PLEKHG5: variants seen among roughly 807,000 people sequenced by gnomAD.
PLEKHG5 encodes the protein pleckstrin homology domain-containing family G member 5.
PLEKHG5 carries 52 observed loss-of-function variants against 103.8 expected under a neutral mutation model. That is an observed-to-expected ratio of 0.50 (90% CI 0.40 to 0.63). The LOEUF (loss-of-function observed/expected upper bound fraction) is 0.63. PLEKHG5 is among the 30% of genes least tolerant of loss of function. The pLI is 0.00. For synonymous variants in PLEKHG5, 592 were observed against 575.5 expected, an observed-to-expected ratio of 1.03 and a Z score of -0.41; for missense variants, 1,205 against 1,347.6, an observed-to-expected ratio of 0.89 and a Z score of 1.66.
Position 6,490,407 on chromosome 1 carries a change from C to T in PLEKHG5, c.-88+1230G>A. 1.0e-6 allele frequency: 1 copy of T among 979,420 alleles called. No individual in the cohort carries two copies. Among genetic ancestry groups the T allele is most frequent in the African/African-American group, 1.8e-5 (1 of 57,120 alleles). The allele number at this position is 979,420 out of a possible 1,614,324, so 60.7% of individuals were successfully genotyped here. A position where few individuals can be genotyped will look rare whatever the true frequency, so the allele number is the denominator to read the frequency against. ...GGGGTCCTGGCGCCTAGTCCCACCC[C>T]CCGTCCGGAGCGCAGCTCCCACTTC... On this transcript the variant is annotated intron_variant, in intron 1 of 20. Transcript: ENST00000377728. The surrounding 1 kb of genome is among the most constrained non-coding windows in gnomAD (Gnocchi z 8.0).
At chr1:6,497,223 C>T (rs1489298275), upstream of PLEKHG5, 20 of 865,574 alleles carry the variant, frequency 2.3e-5, no homozygotes, top group Admixed American at 4.0e-4. The surrounding 1 kb of genome is among the most constrained non-coding windows in gnomAD (Gnocchi z 6.1). Context: ...GGCGCCCACC[C>T]CCTTGCCTGG....
chr1:6,519,691 GA>G, exon 1 of PLEKHG5: 1 of 650,108 alleles, frequency 1.5e-6, no homozygotes, highest in Non-Finnish European at 2.8e-6. Context: ...TGTCTGCACA[GA>G]AAACCAAGGC....
At chr1:6,477,694 A>T (rs1644800633) in intron 1 of PLEKHG5, 36 bp from the exon 2 acceptor site, 1 of 1,594,056 alleles carries the variant, frequency 6.3e-7, no homozygotes, top group Non-Finnish European at 8.5e-7. Flanking sequence ...GAGGTCCACG[A>T]GATCCACCAC....
upstream of PLEKHG5, among the ~76,000 whole-genome samples, chr1:6,494,501 C>G (rs1345341807): frequency 6.6e-6 from 1 of 152,086 alleles, no homozygotes. Context: ...TGGGCTAAAG[C>G]AGTCCTCCTG....
intron 1 of PLEKHG5, among the ~76,000 whole-genome samples, chr1:6,482,200 C>T (rs1404654517): frequency 1.3e-5 from 2 of 152,184 alleles, no homozygotes; most frequent in African/African-American, 4.8e-5. Context: ...CGCTCCTTTC[C>T]TGTCCTCAGC....
rs1156490193 is a variant in PLEKHG5 at position 6,471,074 on chromosome 1, G to A, written c.1308C>T (p.Ile436=). ...KMFGSLFKPY[I]RYCMEEEGCM... Reference sequence around the variant, plus strand: ...AGCCCTCCTCCTCCATGCAGTAGCGGATGTAGGGCTTGAAGAGCGAGCCGA... The same window carrying A: ...AGCCCTCCTCCTCCATGCAGTAGCGAATGTAGGGCTTGAAGAGCGAGCCGA... The change falls in exon 13 of 21, where the codon ATC becomes ATT. Residue 436 remains isoleucine, a synonymous_variant. Transcript: ENST00000377728. The A allele has an allele frequency of 6.3e-7, 1 of 1,594,178 alleles. No individual in the cohort carries two copies. The highest frequency in any genetic ancestry group is 1.1e-5 in the South Asian group (1 of 87,898).
At chr1:6,497,726 G>A (rs1441891096), upstream of PLEKHG5, among the ~76,000 whole-genome samples, 1 of 152,136 alleles carries the variant, frequency 6.6e-6, no homozygotes, top group Non-Finnish European at 1.5e-5. This position sits in a 1 kb window ranked among gnomAD's most constrained non-coding sequence, Gnocchi z 6.1. Flanking sequence ...GCCCGGAATC[G>A]CTGTCTCCGA....
chr1:6,475,205 C>T, intron 4 of PLEKHG5, 67 bp from the exon 5 acceptor site: 1 of 818,648 alleles, frequency 1.2e-6, no homozygotes, highest in Non-Finnish European at 2.0e-6. Flanking sequence ...CCCTCCTCCC[C>T]ACCCTCCTTC....
intron 1 of PLEKHG5, among the ~76,000 whole-genome samples, chr1:6,484,176 C>CG (rs1644967298): frequency 6.6e-6 from 1 of 152,222 alleles, no homozygotes; most frequent in African/African-American, 2.4e-5. Flanking sequence ...TCGCTCCTTA[C>CG]GGAAGAGTCA....
upstream of PLEKHG5, among the ~76,000 whole-genome samples, chr1:6,501,057 G>A (rs186801236): frequency 2.8e-3 from 423 of 152,338 alleles, 4 homozygotes; most frequent in African/African-American, 9.6e-3. The surrounding 1 kb of genome is among the most constrained non-coding windows in gnomAD (Gnocchi z 4.3). Context: ...TGAAAAGTCA[G>A]GAGATTTCAC....
intron 1 of PLEKHG5, among the ~76,000 whole-genome samples, chr1:6,511,525 C>T (rs927556724): frequency 6.6e-6 from 1 of 152,240 alleles, no homozygotes; most frequent in African/African-American, 2.4e-5. Context: ...CAGCAGCTGC[C>T]GATGCCCACC....
rs1644660407 is a variant in PLEKHG5, at chr1:6,473,459, T to A, written c.592-5A>T. On this transcript the variant is annotated splice_region_variant and splice_polypyrimidine_tract_variant and intron_variant, in intron 7 of 20. Transcript: ENST00000377728. ...CTTGCGGCGGCGGCCAGGGGCCTGG[T>A]CAGGGAAGGGTGGTCAGGGCCGGGA... is the stretch of plus-strand genomic sequence containing the variant. The A allele has an allele frequency of 6.6e-7, 1 of 1,523,580 alleles. No individual in the cohort carries two copies. Among genetic ancestry groups the A allele is most frequent in the Non-Finnish European group, 8.8e-7 (1 of 1,136,614 alleles). The allele number at this position is 1,523,580 out of a possible 1,614,324, so 94.4% of individuals were successfully genotyped here.
intron 1 of PLEKHG5, among the ~76,000 whole-genome samples, chr1:6,511,419 C>T (rs558361754): frequency 5.9e-5 from 9 of 152,314 alleles, no homozygotes; most frequent in African/African-American, 9.6e-5. Context: ...TCCTAAGCCC[C>T]GACTAGGGTG....
rs895024088 is a variant in PLEKHG5, at chr1:6,477,431, C to T, written c.43+98G>A. The T allele has an allele frequency of 4.5e-5, 56 of 1,246,634 alleles. No homozygotes were observed. In the East Asian group the frequency reaches 1.0e-3, roughly 22 times the overall value. 77.2% of individuals were successfully genotyped at this position (1,246,634 alleles called of 1,614,324 possible). On this transcript the variant is annotated intron_variant, in intron 2 of 20. Transcript: ENST00000377728. ...ATACTCGGGTTTCATTATTTACAGT[C>T]GACTTGTCCTTATGACGCCCTAGCA...
rs557256913 is a variant in PLEKHG5, at chr1:6,468,258, G to A, written c.2578C>T (p.Arg860Cys). ...CTCAACAGCTGGACAGGGGTGCGGC[G>A]GCGGAGACGGGGCGAGGGTGGAGGG... is the stretch of plus-strand genomic sequence containing the variant. ...PSPPPSPRLRRRTPVQLLSCP... is the reference protein window; with the variant it reads ...PSPPPSPRLRCRTPVQLLSCP... Residue 860 changes from arginine (R) to cysteine (C), a missense_variant, in exon 20 of 21, where the codon CGC becomes TGC. Physicochemically the swap from Arg to Cys is radical, Grantham distance 180 (BLOSUM62 -3). Coordinates refer to ENST00000377728, the MANE Select transcript of PLEKHG5 (RefSeq NM_020631.6). 42 of 1,604,078 alleles carry A rather than the reference G, an allele frequency of 2.6e-5. No homozygotes were observed. Among genetic ancestry groups the A allele is most frequent in the Middle Eastern group, 1.7e-4 (1 of 6,034 alleles).
In PLEKHG5 at chr1:6,467,867, C is replaced by T. The variant is rs762876171; in HGVS notation, c.2969G>A (p.Arg990Gln). The change falls in exon 20 of 21, where the codon CGA becomes CAA. Residue 990 changes from arginine to glutamine, a missense_variant. Coordinates refer to ENST00000377728, the MANE Select transcript of PLEKHG5 (RefSeq NM_020631.6). ...GTTAAGCAGCAGGGTGGTCCTGATT[C>T]GGTAGAGCTGGGCCAGGGTCAGCTT... ...HRKLTLAQLY[R>Q]IRTTLLLNST... The T allele has an allele frequency of 1.4e-5, 22 of 1,612,742 alleles. No individual in the cohort carries two copies. Among genetic ancestry groups the T allele is most frequent in the South Asian group, 2.2e-5 (2 of 90,962 alleles).
At chr1:6,497,490 G>A (rs1478292001), upstream of PLEKHG5, 4 of 175,438 alleles carry the variant, frequency 2.3e-5, no homozygotes, top group South Asian at 5.7e-4. The surrounding 1 kb of genome is among the most constrained non-coding windows in gnomAD (Gnocchi z 6.1). Context: ...GCGGGGGGCG[G>A]GGGGACAGGA....
At chr1:6,496,411 T>C (rs759053087), upstream of PLEKHG5, 11 of 1,091,786 alleles carry the variant, frequency 1.0e-5, no homozygotes, top group Non-Finnish European at 1.5e-5. Flanking sequence ...GCTCTGTGGA[T>C]AGCTGGTGCT....
Position 6,470,653 on chromosome 1 carries a change from G to T in PLEKHG5, c.1543-10C>A. The T allele has an allele frequency of 6.4e-7, 1 of 1,563,892 alleles. No individual in the cohort carries two copies. The highest frequency in any genetic ancestry group is 1.9e-5 in the Admixed American group (1 of 53,604). ...GCTCCACGGAGCCGATCTAGGGGCA[G>T]GTGAGGGAGCTTCAGGTCCAGGGTC... On this transcript the variant is annotated splice_polypyrimidine_tract_variant and intron_variant, in intron 14 of 20. Coordinates refer to ENST00000377728, the MANE Select transcript of PLEKHG5 (RefSeq NM_020631.6).
Sources: gnomAD v4.1 joint callset for allele counts (sites outside exome capture counted in the v4.1 genomes callset) on GRCh38, gnomAD v4.1.1 for gene constraint, Gnocchi (gnomAD v3.1) non-coding constraint, MANE v1.5 for transcripts, NCBI Gene and HGNC (gene_info 2026-07-23, HGNC 2026-07-21) for gene names.